TEX11: variants seen among roughly 807,000 people sequenced by gnomAD.
The protein encoded by TEX11 is testis expressed 11.
Under a neutral mutation model 84.4 loss-of-function variants are expected in TEX11, and 7 were observed. The ratio of observed to expected loss-of-function variants is 0.08; its 90% confidence interval spans 0.05 to 0.16. The LOEUF is 0.16. Among genes scored for constraint, TEX11 ranks in the 10% least tolerant of loss-of-function variants. The pLI, the probability that TEX11 is intolerant of heterozygous loss-of-function variation, is 1.00. For missense variants in TEX11, 551 were observed against 660.5 expected, an observed-to-expected ratio of 0.83 and a Z score of 1.82; for synonymous variants, 264 against 222.8, an observed-to-expected ratio of 1.18 and a Z score of -1.64.
At chrX:70,555,082 A>C (rs1401366413) in intron 25 of TEX11, among the ~76,000 whole-genome samples, 7 of 111,947 alleles carry the variant, frequency 6.3e-5, no homozygotes, top group African/African-American at 9.7e-5. Context: ...GATGCTTCTA[A>C]ACAGCCTGAG....
chrX:70,610,385 A>C, intron 21 of TEX11, 118 bp downstream of exon 21: 1 of 637,491 alleles, frequency 1.6e-6, no homozygotes, highest in Non-Finnish European at 2.4e-6. Flanking sequence ...AAGATTAATA[A>C]GGAGCATGAA....
At chrX:70,793,296 G>A (rs565664411) in intron 9 of TEX11, among the ~76,000 whole-genome samples, 3 of 111,650 alleles carry the variant, frequency 2.7e-5, no homozygotes, top group East Asian at 2.8e-4. Context: ...AAACAAGGAC[G>A]CCCACACTCA....
chrX:70,618,064 T>C (rs888460709), intron 20 of TEX11, among the ~76,000 whole-genome samples: 2 of 112,146 alleles, frequency 1.8e-5, no homozygotes, highest in Non-Finnish European at 3.8e-5. Flanking sequence ...ACAAATCATC[T>C]TAGCAGGCAG....
chrX:70,663,911 C>T (rs915393445), intron 16 of TEX11, among the ~76,000 whole-genome samples: 5 of 111,529 alleles, frequency 4.5e-5, no homozygotes, highest in Admixed American at 9.5e-5. Context: ...GCTCAAGTTC[C>T]TTATAGTAGT....
chrX:70,679,569 A>G (rs1407861004), intron 14 of TEX11, among the ~76,000 whole-genome samples: 3 of 106,752 alleles, frequency 2.8e-5, no homozygotes, highest in East Asian at 6.1e-4. Context: ...CTGAGAAGTG[A>G]GGAGACCCTC....
At chrX:70,775,550 G>A (rs1009990246) in intron 9 of TEX11, among the ~76,000 whole-genome samples, 7 of 109,764 alleles carry the variant, frequency 6.4e-5, no homozygotes, top group Non-Finnish European at 1.3e-4. Context: ...TTCAAAAGAA[G>A]ACATACAAGG....
At chrX:70,672,146 A>G (rs2090030974) in intron 15 of TEX11, among the ~76,000 whole-genome samples, 1 of 110,013 alleles carries the variant, frequency 9.1e-6, no homozygotes, top group Non-Finnish European at 1.9e-5. Flanking sequence ...TTCGCTCAGC[A>G]AAACAGTTTC....
intron 16 of TEX11, among the ~76,000 whole-genome samples, chrX:70,663,654 T>A (rs1372280756): frequency 1.8e-5 from 2 of 111,861 alleles, no homozygotes; most frequent in Non-Finnish European, 3.8e-5. Flanking sequence ...GGTTACATCC[T>A]GATAAACCCA....
intron 2 of TEX11, among the ~76,000 whole-genome samples, chrX:70,905,330 A>G (rs923935926): frequency 4.6e-5 from 5 of 109,076 alleles, no homozygotes; most frequent in Non-Finnish European, 9.6e-5. Flanking sequence ...GTCTCAAAAG[A>G]AAAAAAAAAT....
chrX:70,897,517 G>A (rs1188634998), intron 2 of TEX11: 1 of 105,533 alleles, frequency 9.5e-6, no homozygotes, highest in Admixed American at 1.1e-4. Context: ...TTGAACACAG[G>A]AGGCGGAGGT....
At chrX:70,856,837 C>T (rs766976913) in intron 5 of TEX11, among the ~76,000 whole-genome samples, 1 of 101,908 alleles carries the variant, frequency 9.8e-6, no homozygotes, top group Non-Finnish European at 1.9e-5. Flanking sequence ...CAAATAAATC[C>T]GTTCAACAGA....
At chrX:70,890,252 G>C (rs915475085) in intron 2 of TEX11, among the ~76,000 whole-genome samples, 2 of 111,369 alleles carry the variant, frequency 1.8e-5, no homozygotes, top group African/African-American at 6.5e-5. Flanking sequence ...GAACAGCTCT[G>C]GTCTGCAGCT....
At chrX:70,590,478 C>T (rs901794912) in intron 25 of TEX11, among the ~76,000 whole-genome samples, 1 of 111,044 alleles carries the variant, frequency 9.0e-6, no homozygotes, top group African/African-American at 3.3e-5. Flanking sequence ...TTTATAAAAT[C>T]TATTATTATA....
chrX:70,711,973 G>C (rs139609251), intron 13 of TEX11, among the ~76,000 whole-genome samples: 1 of 111,705 alleles, frequency 9.0e-6, no homozygotes, highest in African/African-American at 3.3e-5. Context: ...AGTATAAGGT[G>C]TAAGGAAGGG....
intron 25 of TEX11, among the ~76,000 whole-genome samples, chrX:70,576,094 G>C (rs1037240972): frequency 1.8e-5 from 2 of 111,944 alleles, no homozygotes; most frequent in African/African-American, 6.5e-5. Context: ...AATAAATGTG[G>C]TGAGCTGCTT....
chrX:70,838,288 G>A (rs759578799), intron 7 of TEX11, among the ~76,000 whole-genome samples: 21 of 110,685 alleles, frequency 1.9e-4, no homozygotes, highest in African/African-American at 5.9e-4. Context: ...GCATGGTGGC[G>A]GCTGTCTGTA....
chrX:70,720,438 C>T (rs1225894690), intron 13 of TEX11, among the ~76,000 whole-genome samples: 2 of 109,810 alleles, frequency 1.8e-5, no homozygotes, highest in Non-Finnish European at 3.8e-5. Flanking sequence ...TTAATGGGTG[C>T]AGCACACCAA....
At chrX:70,893,455 C>G (rs1158343837) in intron 2 of TEX11, among the ~76,000 whole-genome samples, 1 of 111,823 alleles carries the variant, frequency 8.9e-6, no homozygotes, top group Non-Finnish European at 1.9e-5. Flanking sequence ...ATTGAACAAC[C>G]TGCTCCTGAA....
chrX:70,643,851 G>A (rs1472458861), intron 17 of TEX11, among the ~76,000 whole-genome samples: 68 of 109,989 alleles, frequency 6.2e-4, no homozygotes, highest in African/African-American at 8.3e-4. Flanking sequence ...CATTCAGGAC[G>A]TAGGCATGGG....
Sources: gnomAD v4.1 joint callset for allele counts (sites outside exome capture counted in the v4.1 genomes callset) on GRCh38, gnomAD v4.1.1 for gene constraint, MANE v1.5 for transcripts, NCBI Gene and HGNC (gene_info 2026-07-23, HGNC 2026-07-21) for gene names.